Variants in ROBO2 observed in about 807,000 individuals in gnomAD.
ROBO2 encodes roundabout homolog 2.
Under a neutral mutation model 160.8 loss-of-function variants are expected in ROBO2, and 53 were observed. The ratio of observed to expected loss-of-function variants is 0.33; its 90% CI spans 0.26 to 0.41. The LOEUF is 0.41. Ranked by LOEUF, ROBO2 falls within the 10% of genes least tolerant of loss-of-function variation. The pLI is 1.00. For missense variants in ROBO2, 1,577 were observed against 1,722.4 expected, an observed-to-expected ratio of 0.92 and a Z score of 1.49; for synonymous variants, 664 against 611.7, an observed-to-expected ratio of 1.09 and a Z score of -1.26.
chr3:76,336,781 TATATC>T (rs74484324), intron 2 of ROBO2, among the ~76,000 whole-genome samples: 15,475 of 152,104 alleles, frequency 0.1, 845 homozygotes, highest in African/African-American at 0.13. Context: ...CATCTATAAA[TATATC>T]ATATAAATAC....
At chr3:76,033,451 T>G (rs1239112154) in intron 2 of ROBO2, among the ~76,000 whole-genome samples, 1 of 152,172 alleles carries the variant, frequency 6.6e-6, no homozygotes, top group Non-Finnish European at 1.5e-5. Context: ...CCTGCTACTG[T>G]GGTGTTTCCT....
At chr3:77,061,713 A>G (rs749586111) in intron 1 of ROBO2, among the ~76,000 whole-genome samples, 12 of 152,146 alleles carry the variant, frequency 7.9e-5, no homozygotes, top group Non-Finnish European at 1.6e-4. Flanking sequence ...TCACAATGAT[A>G]CCATTCTGCC....
intron 6 of ROBO2, among the ~76,000 whole-genome samples, chr3:77,540,146 T>C (rs1346142089): frequency 6.6e-6 from 1 of 152,170 alleles, no homozygotes; most frequent in African/African-American, 2.4e-5. Context: ...AAAGAGTGAC[T>C]TGAAGGAAGT....
chr3:76,434,278 A>G, intron 2 of ROBO2: 1 of 1,005,316 alleles, frequency 9.9e-7, no homozygotes. Context: ...TCTCAGTGTC[A>G]ACAGCCAGCA....
chr3:76,358,503 G>A (rs1377562288), intron 2 of ROBO2, among the ~76,000 whole-genome samples: 2 of 151,958 alleles, frequency 1.3e-5, no homozygotes, highest in African/African-American at 4.8e-5. Context: ...TCCATAGAAA[G>A]TAGTCAATAA....
At chr3:77,039,688 G>C (rs937835538), upstream of ROBO2, among the ~76,000 whole-genome samples, 2 of 151,714 alleles carry the variant, frequency 1.3e-5, no homozygotes, top group African/African-American at 4.8e-5. Flanking sequence ...ACTCCCCAGC[G>C]GGCGGGTGGC....
chr3:76,924,485 T>C (rs1559711250), intron 2 of ROBO2, among the ~76,000 whole-genome samples: 1 of 152,164 alleles, frequency 6.6e-6, no homozygotes, highest in Non-Finnish European at 1.5e-5. Context: ...GGGCTTCCTA[T>C]CCCCGAAACT....
chr3:75,957,646 C>G (rs1948768261), intron 2 of ROBO2, among the ~76,000 whole-genome samples: 1 of 150,614 alleles, frequency 6.6e-6, no homozygotes, highest in Admixed American at 6.6e-5. Context: ...TGTTATCTCT[C>G]TACATGTTAT....
At chr3:76,986,325 A>G (rs2060378521) in intron 2 of ROBO2, among the ~76,000 whole-genome samples, 2 of 152,140 alleles carry the variant, frequency 1.3e-5, no homozygotes, top group Non-Finnish European at 2.9e-5. Flanking sequence ...CTCTGCTTTA[A>G]AAATTTTTAT....
chr3:76,851,290 C>A (rs2069317705), intron 2 of ROBO2, among the ~76,000 whole-genome samples: 1 of 152,186 alleles, frequency 6.6e-6, no homozygotes, highest in African/African-American at 2.4e-5. Context: ...TCAATAACCA[C>A]ATGTATCTGG....
chr3:77,089,882 C>T (rs1250703088), intron 1 of ROBO2, among the ~76,000 whole-genome samples: 1 of 152,158 alleles, frequency 6.6e-6, no homozygotes, highest in Non-Finnish European at 1.5e-5. Context: ...TTGTTATGGA[C>T]AGACTTGATG....
intron 2 of ROBO2, among the ~76,000 whole-genome samples, chr3:76,680,724 T>A (rs571871379): frequency 1.3e-5 from 2 of 152,232 alleles, no homozygotes; most frequent in East Asian, 1.9e-4. Flanking sequence ...TTTAAAAAAA[T>A]TATGATGACC....
chr3:76,650,604 C>T (rs373455792), intron 2 of ROBO2, among the ~76,000 whole-genome samples: 3 of 151,768 alleles, frequency 2.0e-5, no homozygotes, highest in African/African-American at 4.8e-5. Context: ...AGTTTTGCAA[C>T]GTGAAGGTAC....
intron 2 of ROBO2, among the ~76,000 whole-genome samples, chr3:76,953,118 C>T (rs974232015): frequency 2.0e-5 from 3 of 152,136 alleles, no homozygotes; most frequent in African/African-American, 7.2e-5. Context: ...TTTAGAATCT[C>T]TTCATCTTTG....
rs527304968 is a variant in ROBO2, at chr3:76,556,532, A to G, written c.110-541482A>G. ...GTGACAGTTGATACATATGCATATT[A>G]TAAGTGTTAATAAAAAGAATGGGTG... On this transcript the variant is annotated intron_variant, in intron 2 of 26. Coordinates refer to the ROBO2 transcript ENST00000487694. Among the ~76,000 whole-genome samples, 372 of 152,300 alleles carry G rather than the reference A, an allele frequency of 2.4e-3. 5 individuals are homozygous for G. The highest frequency in any genetic ancestry group is 8.6e-3 in the African/African-American group (359 of 41,578).
chr3:77,040,252 T>A lies in ROBO2; in HGVS notation c.-534T>A. 1 of 988,464 alleles carries A rather than the reference T, an allele frequency of 1.0e-6. No homozygotes were observed. Among genetic ancestry groups the A allele is most frequent in the Non-Finnish European group, 1.2e-6 (1 of 832,200 alleles). The allele number at this position is 988,464 out of a possible 1,614,324, so 61.2% of individuals were successfully genotyped here. The stretch of plus-strand genomic sequence containing the variant: ...GTGTTGCTTTGACACATTCTTATTA[T>A]GGAAGTTAAGTAAAAATATAGACAT... On this transcript the variant is annotated 5_prime_UTR_variant, in exon 1 of 26. It removes an upstream start codon present in the reference 5' UTR. Transcript: ENST00000461745.
At chr3:75,968,811 A>T in intron 2 of ROBO2, among the ~76,000 whole-genome samples, 1 of 135,636 alleles carries the variant, frequency 7.4e-6, no homozygotes, top group Non-Finnish European at 1.6e-5. Flanking sequence ...TAGTACATAG[A>T]TAGCACATAG....
At chr3:77,463,403 A>G (rs2082437496) in intron 2 of ROBO2, among the ~76,000 whole-genome samples, 6 of 152,130 alleles carry the variant, frequency 3.9e-5, no homozygotes. Flanking sequence ...AACATAAAAT[A>G]GTACCTCTAA....
chr3:76,962,715 G>A (rs2079765696), intron 2 of ROBO2, among the ~76,000 whole-genome samples: 1 of 151,990 alleles, frequency 6.6e-6, no homozygotes, highest in East Asian at 1.9e-4. Context: ...ACTGAGGCAG[G>A]AGGATCACTT....
Sources: gnomAD v4.1 joint callset for allele counts (sites outside exome capture counted in the v4.1 genomes callset) on GRCh38, gnomAD v4.1.1 for gene constraint, MANE v1.5 for transcripts, NCBI Gene and HGNC (gene_info 2026-07-23, HGNC 2026-07-21) for gene names.